The following CELF4 variants were observed in gnomAD, a reference collection of about 807,000 sequenced individuals.
CELF4 encodes the protein CUG-BP- and ETR-3-like factor 4.
Under a neutral mutation model 59.9 loss-of-function variants are expected in CELF4, and 18 were observed. That is an observed-to-expected ratio of 0.30 (90% CI 0.21 to 0.45). CELF4 has a LOEUF of 0.45. Ranked by LOEUF, CELF4 falls within the 20% of genes least tolerant of loss-of-function variation. The pLI is 1.00. For synonymous variants in CELF4, 261 were observed against 267.1 expected (o/e 0.98, Z 0.22); for missense variants, 456 against 689.0 (o/e 0.66, Z 3.79).
chr18:37,464,890 C>A (rs145196504), intron 2 of CELF4, among the ~76,000 whole-genome samples: 46 of 152,298 alleles, frequency 3.0e-4, no homozygotes, highest in African/African-American at 1.0e-3. Context: ...GATGTTCTCC[C>A]GGGATAACTA....
At chr18:37,342,918 C>T (rs909313192) in intron 2 of CELF4, among the ~76,000 whole-genome samples, 1 of 152,184 alleles carries the variant, frequency 6.6e-6, no homozygotes, top group Non-Finnish European at 1.5e-5. Flanking sequence ...CCCTGGCGGT[C>T]CCCATGGCAT....
rs537021048 is a variant in CELF4, at chr18:37,295,793, A to G, written c.449-20550T>C. ...CATCCGAAGGGAGGCACCCAGGTGA[A>G]ACCTAGAGTTGATCTTTCCAGCATT... On this transcript the variant is annotated intron_variant, in intron 3 of 12. Coordinates refer to ENST00000420428, the MANE Select transcript of CELF4 (RefSeq NM_020180.4). 9.6e-4 allele frequency among the ~76,000 whole-genome samples: 146 copies of G among 152,312 alleles called. 4 individuals are homozygous for G. The South Asian group carries it at 0.027, about 28-fold the overall frequency.
chr18:37,451,390 T>C (rs561159850), intron 2 of CELF4, among the ~76,000 whole-genome samples: 1 of 152,268 alleles, frequency 6.6e-6, no homozygotes, highest in Admixed American at 6.5e-5. Flanking sequence ...TATGTGTGCA[T>C]GTGTCTCTGT....
chr18:37,507,246 G>A (rs1311219476), intron 1 of CELF4, among the ~76,000 whole-genome samples: 6 of 152,230 alleles, frequency 3.9e-5, no homozygotes, highest in African/African-American at 2.4e-5. Flanking sequence ...TGAGTGCTAG[G>A]AACAGGGTGG....
chr18:37,387,980 T>A (rs2154572340), intron 2 of CELF4, among the ~76,000 whole-genome samples: 1 of 152,176 alleles, frequency 6.6e-6, no homozygotes, highest in Middle Eastern at 3.4e-3. Flanking sequence ...CACCAGCTGA[T>A]GAGGTTCTGT....
At chr18:37,491,438 C>T (rs1459995049) in intron 1 of CELF4, among the ~76,000 whole-genome samples, 1 of 152,212 alleles carries the variant, frequency 6.6e-6, no homozygotes, top group Non-Finnish European at 1.5e-5. Context: ...CTTCCATTTA[C>T]CAGCTTGATG....
chr18:37,338,825 T>C (rs1569566397), intron 2 of CELF4, among the ~76,000 whole-genome samples: 5 of 149,828 alleles, frequency 3.3e-5, no homozygotes, highest in Non-Finnish European at 7.4e-5. Context: ...CAGGGTGGCT[T>C]TGAGAGCAGA....
rs571596313 is a variant in CELF4, at chr18:37,320,080, G to A, written c.448+1723C>T. The stretch of plus-strand genomic sequence containing the variant: ...CAGCTGGGCGCGGTGGCTCACGCCT[G>A]TAATCCCAGCACTTTGGGAGGCCGA... On this transcript the variant is annotated intron_variant, in intron 3 of 12. Coordinates refer to ENST00000420428, the MANE Select transcript of CELF4 (RefSeq NM_020180.4). Among the ~76,000 whole-genome samples the A allele has an allele frequency of 3.9e-5, 6 of 152,356 alleles. No individual in the cohort carries two copies. The East Asian group carries it at 7.7e-4, about 20-fold the overall frequency.
chr18:37,361,326 C>T (rs946479238), intron 2 of CELF4, among the ~76,000 whole-genome samples: 3 of 152,168 alleles, frequency 2.0e-5, no homozygotes, highest in Admixed American at 6.5e-5. Flanking sequence ...TTGGTTGTGC[C>T]TGTGGCTCAC....
At chr18:37,258,713 C>G (rs1374912968) in intron 11 of CELF4, among the ~76,000 whole-genome samples, 1 of 152,130 alleles carries the variant, frequency 6.6e-6, no homozygotes, top group African/African-American at 2.4e-5. Context: ...CTGCCCTGCC[C>G]AGGTGTCACG....
chr18:37,555,837 C>T (rs1354294991), intron 1 of CELF4, among the ~76,000 whole-genome samples: 1 of 152,174 alleles, frequency 6.6e-6, no homozygotes, highest in Non-Finnish European at 1.5e-5. Flanking sequence ...GTTGCATGAA[C>T]TGGTGTGGGT....
chr18:37,324,891 C>T (rs950670332), intron 2 of CELF4, among the ~76,000 whole-genome samples: 11 of 152,106 alleles, frequency 7.2e-5, no homozygotes, highest in African/African-American at 2.4e-4. Context: ...CCTGAGGTCA[C>T]AAAGGTTGTA....
chr18:37,316,078 G>A (rs1000461649), intron 3 of CELF4, among the ~76,000 whole-genome samples: 3 of 152,136 alleles, frequency 2.0e-5, no homozygotes, highest in Admixed American at 1.3e-4. Flanking sequence ...GACACCCATG[G>A]AGACTCCATT....
intron 3 of CELF4, among the ~76,000 whole-genome samples, chr18:37,304,532 G>A (rs533357194): frequency 2.5e-4 from 38 of 152,074 alleles, no homozygotes; most frequent in Admixed American, 7.2e-4. Context: ...AGGACAAACC[G>A]ACCAAAGAAT....
chr18:37,474,477 T>C (rs1412456217), intron 2 of CELF4, among the ~76,000 whole-genome samples: 1 of 152,192 alleles, frequency 6.6e-6, no homozygotes. Context: ...CCTGCCCTCA[T>C]GCAGCTCTGG....
intron 2 of CELF4, among the ~76,000 whole-genome samples, chr18:37,353,871 C>A (rs564632620): frequency 1.8e-4 from 28 of 151,550 alleles, no homozygotes; most frequent in African/African-American, 6.8e-4. Flanking sequence ...ATCCTCCTGC[C>A]TCAGCCTCCC....
At chr18:37,448,005 C>G (rs2099752932) in intron 2 of CELF4, among the ~76,000 whole-genome samples, 1 of 152,230 alleles carries the variant, frequency 6.6e-6, no homozygotes, top group Non-Finnish European at 1.5e-5. Flanking sequence ...TATCTCTCCT[C>G]AGAGCCACAT....
chr18:37,438,995 G>C (rs1490738639), intron 2 of CELF4, among the ~76,000 whole-genome samples: 1 of 152,196 alleles, frequency 6.6e-6, no homozygotes, highest in Non-Finnish European at 1.5e-5. Context: ...ATGGTGGCCA[G>C]GTGGGGCTCA....
chr18:37,275,313 G>C lies in CELF4; in HGVS notation c.449-70C>G. On this transcript the variant is annotated intron_variant, in intron 3 of 12. Coordinates refer to ENST00000420428, the MANE Select transcript of CELF4 (RefSeq NM_020180.4). ...TGCGCGGGAGCAGGGCAAGGCCGGA[G>C]GGGGAGAGCGGCAGGGAAAGGGAGG... The C allele has an allele frequency of 1.9e-6, 3 of 1,556,544 alleles. No homozygotes were observed. In the South Asian group the frequency reaches 3.5e-5, roughly 18 times the overall value.
Sources: allele counts gnomAD v4.1 joint callset (sites outside exome capture counted in the v4.1 genomes callset), GRCh38; gene constraint gnomAD v4.1.1; transcripts MANE v1.5; gene names NCBI Gene and HGNC (gene_info 2026-07-23, HGNC 2026-07-21).